HSPG2: variants seen among roughly 807,000 people sequenced by gnomAD.
HSPG2 encodes basement membrane-specific heparan sulfate proteoglycan core protein.
A neutral mutation model predicts 526.6 loss-of-function variants in HSPG2; 278 were observed. That is an observed-to-expected ratio of 0.53 (90% confidence interval 0.48 to 0.58). HSPG2 has a LOEUF of 0.58. Ranked by LOEUF, HSPG2 falls within the 20% of genes least tolerant of loss-of-function variation. The pLI, the probability that HSPG2 is intolerant of heterozygous loss-of-function variation, is 0.00. For synonymous variants in HSPG2, 2,465 were observed against 2,555.4 expected, an observed-to-expected ratio of 0.96 and a Z score of 1.07; for missense variants, 5,354 against 6,099.5, an observed-to-expected ratio of 0.88 and a Z score of 4.07.
At position 21,875,662 on chromosome 1, in the gene HSPG2, C is replaced by G. The variant is rs78889849; in HGVS notation, c.3269G>C (p.Arg1090Pro). The G allele has an allele frequency of 6.2e-7, 1 of 1,602,980 alleles. No homozygotes were observed. The highest frequency in any genetic ancestry group is 1.3e-5 in the African/African-American group (1 of 75,052). Residue 1090 changes from arginine to proline, a missense_variant, in exon 25 of 97, where the codon CGA (arginine) becomes CCA (proline). Arg to Pro is a moderately radical substitution (Grantham distance 103, BLOSUM62 -2). Transcript: ENST00000374695. ...AGCGGGCTGCTGGGCGTAGGATGCT[C>G]GGATCAGGAGGGTGTCGATGCCTGC... ...ALAGIDTLLI[R>P]ASYAQQPAES...
Position 21,855,615 on chromosome 1 carries a change from G to A in HSPG2, c.5762C>T (p.Pro1921Leu). 2 of 1,579,254 alleles carry A rather than the reference G, an allele frequency of 1.3e-6. No homozygotes were observed. The highest frequency in any genetic ancestry group is 1.7e-6 in the Non-Finnish European group (2 of 1,165,320). ...GGCCTGATCCGTGGGCTCGACAGCTGGCAGGCGCAGGATGCCGCCGTGGAT... is the reference window on the plus strand; with the variant it reads ...GGCCTGATCCGTGGGCTCGACAGCTAGCAGGCGCAGGATGCCGCCGTGGAT... ...AQIHGGILRL[P>L]AVEPTDQAQY... is the part of the protein sequence containing the mutation. Residue 1921 changes from proline (P) to leucine (L), a missense_variant, in exon 46 of 97, where the codon CCA (proline) becomes CTA (leucine). Transcript: ENST00000374695.
At position 21,822,414 on chromosome 1, in the gene HSPG2, C is replaced by CCCT. The variant is rs1572118545; in HGVS notation, c.*899_*901dup. The stretch of plus-strand genomic sequence containing the variant: ...CAGATGGGGCAGGGTGGTCATATCC[C>CCCT]CCTCCTCTCTCTCTCAGTCGTGAGT... On this transcript the variant is annotated 3_prime_UTR_variant, in exon 97 of 97. Transcript: ENST00000374695. 23 of 607,380 alleles carry CCCT rather than the reference C, an allele frequency of 3.8e-5. No homozygotes were observed. In the East Asian group the frequency reaches 6.4e-4, roughly 17 times the overall value. The allele number at this position is 607,380 out of a possible 1,614,324, so 37.6% of individuals were successfully genotyped here.
At chr1:21,936,022 A>G (rs1388422689) in intron 1 of HSPG2, among the ~76,000 whole-genome samples, 2 of 152,166 alleles carry the variant, frequency 1.3e-5, no homozygotes, top group African/African-American at 4.8e-5. Flanking sequence ...CCAGGCAGGC[A>G]GTTCCTGGGT....
intron 64 of HSPG2, 93 bp from the exon 65 acceptor site, chr1:21,844,392 T>A: frequency 1.5e-6 from 2 of 1,366,874 alleles, no homozygotes; most frequent in Non-Finnish European, 2.0e-6. Flanking sequence ...CAGAGGCCAT[T>A]TGGGACATGG....
At chr1:21,884,022 C>G (rs551941875) in intron 13 of HSPG2, among the ~76,000 whole-genome samples, 1 of 152,332 alleles carries the variant, frequency 6.6e-6, no homozygotes, top group South Asian at 2.1e-4. Flanking sequence ...CTCCTATAAT[C>G]TGGGTACACT....
intron 33 of HSPG2, among the ~76,000 whole-genome samples, chr1:21,871,778 T>C (rs976138394): frequency 6.6e-6 from 1 of 152,250 alleles, no homozygotes. Flanking sequence ...TGAGAATTAC[T>C]GTGTCCAACA....
rs920930723 is a variant in HSPG2, at chr1:21,859,423, C to G, written c.5293+143G>C. ...CTAAAATGAGTCTTGAATCTGCCAC[C>G]TCTCCTCATCTCCATGGCTGCTGAC... On this transcript the variant is annotated intron_variant, in intron 42 of 96. Coordinates refer to ENST00000374695, the MANE Select transcript of HSPG2 (RefSeq NM_005529.7). The surrounding 1 kb of genome is among the most constrained non-coding windows in gnomAD (Gnocchi z 5.3). 7.1e-5 allele frequency: 50 copies of G among 699,758 alleles called. No homozygotes were observed. Among genetic ancestry groups the G allele is most frequent in the Middle Eastern group, 3.4e-4 (1 of 2,950 alleles). The allele number at this position is 699,758 out of a possible 1,614,324, so 43.3% of individuals were successfully genotyped here.
Position 21,865,008 on chromosome 1 carries a change from G to A in HSPG2, c.4461C>T (p.Asp1487=). 1 of 1,579,106 alleles carries A rather than the reference G, an allele frequency of 6.3e-7. No individual in the cohort carries two copies. The highest frequency in any genetic ancestry group is 8.6e-7 in the Non-Finnish European group (1 of 1,164,952). ...TGGCCCGGATCAGGAGCTCATCCAG[G>A]TCGGCCAGTGCCATCAGGAGGTGCT... is the stretch of plus-strand genomic sequence containing the variant. ...TREHLLMALA[D]LDELLIRATF... is the part of the protein sequence containing the mutation. Residue 1487 remains aspartate, a synonymous_variant, in exon 36 of 97, where the codon GAC becomes GAT. Coordinates refer to ENST00000374695, the MANE Select transcript of HSPG2 (RefSeq NM_005529.7). This position sits in a 1 kb window ranked among gnomAD's most constrained non-coding sequence, Gnocchi z 5.4.
intron 1 of HSPG2, among the ~76,000 whole-genome samples, chr1:21,925,784 A>G (rs1644172805): frequency 6.6e-6 from 1 of 152,074 alleles, no homozygotes; most frequent in Non-Finnish European, 1.5e-5. Context: ...AACAATGATG[A>G]CTTGGGAGTC....
At chr1:21,880,628 C>A in intron 15 of HSPG2, 28 bp downstream of exon 15, 2 of 1,596,582 alleles carry the variant, frequency 1.3e-6, no homozygotes, top group South Asian at 1.1e-5. Flanking sequence ...CCTTTGCTCC[C>A]AGCCCTAAGG....
chr1:21,877,813 A>G (rs1641199411), intron 21 of HSPG2, among the ~76,000 whole-genome samples: 2 of 152,120 alleles, frequency 1.3e-5, no homozygotes, highest in East Asian at 1.9e-4. Context: ...TCCCATTCCT[A>G]ACGCAAGTGA....
chr1:21,884,480 G>A (rs775543320), intron 13 of HSPG2, 48 bp downstream of exon 13: 5 of 1,607,130 alleles, frequency 3.1e-6, no homozygotes, highest in African/African-American at 2.7e-5. Flanking sequence ...TGGGTACAGA[G>A]GTACCCACCT....
In HSPG2 at chr1:21,859,619, G is replaced by A; in HGVS notation, c.5240C>T (p.Thr1747Ile). The A allele has an allele frequency of 6.2e-7, 1 of 1,609,638 alleles. No individual in the cohort carries two copies. Among genetic ancestry groups the A allele is most frequent in the Non-Finnish European group, 8.5e-7 (1 of 1,178,208 alleles). Residue 1747 changes from threonine to isoleucine, a missense_variant, in exon 42 of 97, where the codon ACC becomes ATC. Coordinates refer to ENST00000374695, the MANE Select transcript of HSPG2 (RefSeq NM_005529.7). This position sits in a 1 kb window ranked among gnomAD's most constrained non-coding sequence, Gnocchi z 5.3. Reference protein sequence around the residue: ...QPSDAGVYICTCRNLHQSNTS... With the variant: ...QPSDAGVYICICRNLHQSNTS... Reference sequence around the variant, plus strand: ...ATTGGATTGGTGGAGATTACGGCAGGTGCAAATGTAGACCCCAGCATCCGA... The same window carrying A: ...ATTGGATTGGTGGAGATTACGGCAGATGCAAATGTAGACCCCAGCATCCGA...
chr1:21,833,862 G>A lies in HSPG2; in HGVS notation c.10784C>T (p.Pro3595Leu), dbSNP rs1399742452. Residue 3595 changes from proline to leucine, a missense_variant, in exon 78 of 97, where the codon CCC (proline) becomes CTC (leucine). Pro to Leu is a moderately conservative substitution (Grantham distance 98). Transcript: ENST00000374695. ...RVPAGSAAVF[P>L]CIASGYPTPD... The stretch of plus-strand genomic sequence containing the variant: ...AGTGGGGTAGCCTGAGGCTATGCAG[G>A]GGAAGACAGCTGCAGAACCAGCAGG... 1 of 1,605,342 alleles carries A rather than the reference G, an allele frequency of 6.2e-7. No individual in the cohort carries two copies. Among genetic ancestry groups the A allele is most frequent in the Non-Finnish European group, 8.5e-7 (1 of 1,175,880 alleles).
chr1:21,854,240 G>C lies in HSPG2; in HGVS notation c.6392C>G (p.Thr2131Ser), dbSNP rs1295973227. 1.9e-6 allele frequency: 3 copies of C among 1,596,736 alleles called. No individual in the cohort carries two copies. The highest frequency in any genetic ancestry group is 2.6e-6 in the Non-Finnish European group (3 of 1,171,464). ...NGSGPKEASITVSVLHGTHSG... is the reference protein window; with the variant it reads ...NGSGPKEASISVSVLHGTHSG... The stretch of plus-strand genomic sequence containing the variant: ...ATGGGTGCCGTGGAGCACAGACACA[G>C]TAATGGAGGCCTCCTTGGGGCCCGA... The change falls in exon 50 of 97, where the codon ACT (threonine) becomes AGT (serine). Residue 2131 changes from threonine (T) to serine (S), a missense_variant. Transcript: ENST00000374695.
chr1:21,861,036 G>A (rs891196546), intron 39 of HSPG2, among the ~76,000 whole-genome samples: 1 of 152,214 alleles, frequency 6.6e-6, no homozygotes, highest in Non-Finnish European at 1.5e-5. Context: ...CTCAGAGCAG[G>A]CTGTACTTTT....
At chr1:21,892,509 C>CA (rs1244871812) in intron 3 of HSPG2, among the ~76,000 whole-genome samples, 1 of 152,260 alleles carries the variant, frequency 6.6e-6, no homozygotes, top group Non-Finnish European at 1.5e-5. Context: ...TCTGGGTGAA[C>CA]ACCTCCCATC....
intron 1 of HSPG2, among the ~76,000 whole-genome samples, chr1:21,926,464 T>C (rs372214364): frequency 6.6e-6 from 1 of 151,940 alleles, no homozygotes; most frequent in African/African-American, 2.4e-5. Context: ...GTGAAAGTGA[T>C]AGAGGCTGCT....
In HSPG2 at chr1:21,855,659, C is replaced by T. The variant is rs1639281167; in HGVS notation, c.5718G>A (p.Gln1906=). ...TLEWTGGPGG[Q]LPAKAQIHGG... ...CGTGGATTTGTGCCTTCGCAGGGAG[C>T]TGGCCGCCGGGGCCCCCTGACGAGT... The change falls in exon 46 of 97, where the codon CAG becomes CAA. Residue 1906 remains glutamine, a synonymous_variant. Coordinates refer to ENST00000374695, the MANE Select transcript of HSPG2 (RefSeq NM_005529.7). 2 of 1,574,576 alleles carry T rather than the reference C, an allele frequency of 1.3e-6. No homozygotes were observed.
Sources: allele counts gnomAD v4.1 joint callset (sites outside exome capture counted in the v4.1 genomes callset), GRCh38; gene constraint gnomAD v4.1.1; non-coding constraint Gnocchi (gnomAD v3.1); transcripts MANE v1.5; gene names NCBI Gene and HGNC (gene_info 2026-07-23, HGNC 2026-07-21).